MAP3K15: variants seen among roughly 807,000 people sequenced by gnomAD.
MAP3K15 encodes the protein mitogen-activated protein kinase kinase kinase 15.
Under a neutral mutation model 99.5 loss-of-function variants are expected in MAP3K15, and 124 were observed. The ratio of observed to expected loss-of-function variants is 1.25; its 90% CI spans 1.08 to 1.45. The LOEUF is 1.45. MAP3K15 is among the 40% of genes most tolerant of loss of function. MAP3K15 has a pLI of 0.00. For synonymous variants in MAP3K15, 494 were observed against 439.6 expected, an observed-to-expected ratio of 1.12 and a Z score of -1.55; for missense variants, 1,242 against 1,079.7, an observed-to-expected ratio of 1.15 and a Z score of -2.11.
chrX:19,469,925 A>G (rs1249346508), intron 3 of MAP3K15, among the ~76,000 whole-genome samples: 6 of 109,383 alleles, frequency 5.5e-5, no homozygotes, highest in Non-Finnish European at 1.1e-4. Flanking sequence ...GGATGTGGAG[A>G]AATAGGAACA....
At position 19,372,501 on chromosome X, in the gene MAP3K15, G is replaced by A. The variant is rs1020668624; in HGVS notation, c.3108+152C>T. The stretch of plus-strand genomic sequence containing the variant: ...TATTTTCTTTTGTTTTGTTGGGGAA[G>A]GGAAGGACGTTAGGGAAACATTTAC... On this transcript the variant is annotated intron_variant, in intron 22 of 28. Transcript: ENST00000338883. 8 of 437,045 alleles carry A rather than the reference G, an allele frequency of 1.8e-5. No homozygotes were observed. The African/African-American group carries it at 2.0e-4, about 11-fold the overall frequency. The allele number at this position is 437,045 out of a possible 1,213,427, so 36.0% of individuals were successfully genotyped here.
intron 6 of MAP3K15, among the ~76,000 whole-genome samples, chrX:19,441,439 T>C (rs896096657): frequency 6.5e-5 from 7 of 107,873 alleles, no homozygotes; most frequent in Non-Finnish European, 1.4e-4. Context: ...ACTCCGAATA[T>C]GCTAAAAAAA....
chrX:19,490,072 T>C (rs113365087), intron 1 of MAP3K15, among the ~76,000 whole-genome samples: 3,733 of 107,940 alleles, frequency 0.035, 149 homozygotes, highest in African/African-American at 0.11. Flanking sequence ...TTAGAAGCCA[T>C]GCCCAGGCAT....
chrX:19,436,266 G>C (rs921355448), intron 6 of MAP3K15, among the ~76,000 whole-genome samples: 1 of 111,172 alleles, frequency 9.0e-6, no homozygotes, highest in Non-Finnish European at 1.9e-5. Context: ...TTCTGCGTCA[G>C]TGGGTTGGCA....
chrX:19,513,615 TGC>T (rs1315722474), intron 1 of MAP3K15, among the ~76,000 whole-genome samples: 1 of 111,306 alleles, frequency 9.0e-6, no homozygotes, highest in Non-Finnish European at 1.9e-5. Flanking sequence ...AAAACAGATC[TGC>T]GCTGCCTCCA....
chrX:19,435,935 C>T (rs942601753), intron 6 of MAP3K15, among the ~76,000 whole-genome samples: 2 of 111,861 alleles, frequency 1.8e-5, no homozygotes, highest in Admixed American at 9.5e-5. Context: ...GGGCAGATTA[C>T]CTGAGGTCAG....
chrX:19,466,817 G>C (rs1254299210), intron 3 of MAP3K15: 1 of 111,645 alleles, frequency 9.0e-6, no homozygotes, highest in African/African-American at 3.3e-5. Context: ...GGAAGTGTAA[G>C]GAGCTTCCCA....
At chrX:19,385,767 A>G (rs901750882) in intron 18 of MAP3K15, among the ~76,000 whole-genome samples, 1 of 111,206 alleles carries the variant, frequency 9.0e-6, no homozygotes, top group African/African-American at 3.3e-5. Context: ...ACTACACACC[A>G]TGACATCACT....
At chrX:19,501,110 C>A (rs963461714) in intron 1 of MAP3K15, among the ~76,000 whole-genome samples, 13 of 111,425 alleles carry the variant, frequency 1.2e-4, no homozygotes, top group African/African-American at 4.2e-4. Context: ...CCAAATCCAA[C>A]AGAAGACAGC....
At chrX:19,486,844 C>A (rs2064329596) in intron 2 of MAP3K15, among the ~76,000 whole-genome samples, 1 of 111,176 alleles carries the variant, frequency 9.0e-6, no homozygotes, top group South Asian at 3.8e-4. Context: ...GTGCTGAGTG[C>A]CCTGCATCTT....
At chrX:19,418,768 A>T (rs967499642) in intron 9 of MAP3K15, among the ~76,000 whole-genome samples, 1 of 111,848 alleles carries the variant, frequency 8.9e-6, no homozygotes, top group African/African-American at 3.2e-5. Context: ...GAAGGAAAAA[A>T]TGTTAAGGGA....
At chrX:19,387,845 G>C (rs1024186609) in intron 18 of MAP3K15, among the ~76,000 whole-genome samples, 4 of 112,746 alleles carry the variant, frequency 3.5e-5, no homozygotes, top group Non-Finnish European at 7.5e-5. Flanking sequence ...GGTGATGTAA[G>C]GGGTAAATAA....
At chrX:19,506,557 G>A (rs1008208082) in intron 1 of MAP3K15, among the ~76,000 whole-genome samples, 1 of 111,468 alleles carries the variant, frequency 9.0e-6, no homozygotes, top group African/African-American at 3.3e-5. Context: ...GTCTTGCTCT[G>A]CCGCCCAGGC....
At chrX:19,462,467 G>T (rs758292312) in intron 4 of MAP3K15, among the ~76,000 whole-genome samples, 1 of 112,015 alleles carries the variant, frequency 8.9e-6, no homozygotes, top group Non-Finnish European at 1.9e-5. Context: ...GACTATAAAG[G>T]CACTGAAGCT....
chrX:19,487,265 C>T (rs1354140486), intron 2 of MAP3K15, among the ~76,000 whole-genome samples: 2 of 110,859 alleles, frequency 1.8e-5, no homozygotes, highest in Non-Finnish European at 3.8e-5. Flanking sequence ...ACTGACTACC[C>T]ATTTCCATTT....
At chrX:19,417,792 C>T (rs369320172) in intron 9 of MAP3K15, among the ~76,000 whole-genome samples, 1 of 112,091 alleles carries the variant, frequency 8.9e-6, no homozygotes, top group African/African-American at 3.2e-5. Flanking sequence ...AGGCACCCCC[C>T]AGTAGGGGCA....
chrX:19,371,336 A>G lies in MAP3K15; in HGVS notation c.3294+9T>C. On this transcript the variant is annotated intron_variant, in intron 23 of 28. Coordinates refer to ENST00000338883, the MANE Select transcript of MAP3K15 (RefSeq NM_001001671.4). ...TGGTGTGTTCCCTAGGGCCAGATGG[A>G]GCACTTACGGCATCCTGAAATCCGA... is the stretch of plus-strand genomic sequence containing the variant. 8.3e-7 allele frequency: 1 copy of G among 1,201,875 alleles called. No individual in the cohort carries two copies. The highest frequency in any genetic ancestry group is 1.1e-6 in the Non-Finnish European group (1 of 888,717).
At chrX:19,465,879 C>G (rs924819933) in intron 3 of MAP3K15, among the ~76,000 whole-genome samples, 1 of 103,690 alleles carries the variant, frequency 9.6e-6, no homozygotes, top group South Asian at 4.4e-4. Flanking sequence ...AGTGGGGTAG[C>G]AGGCTCCTAT....
Position 19,515,104 on chromosome X carries a change from C to A in MAP3K15, c.158G>T (p.Ser53Ile). ...CAGAGCCCGCCGCGGCCCGCCCCCA[C>A]TCTCGCCCTCGCCGCTGCCGCCTGC... ...GAAGGSGEGE[S>I]GGGPRRALRA... The change falls in exon 1 of 29, where the codon AGT becomes ATT. Residue 53 changes from serine to isoleucine, a missense_variant. Coordinates refer to ENST00000338883, the MANE Select transcript of MAP3K15 (RefSeq NM_001001671.4). 1 of 851,905 alleles carries A rather than the reference C, an allele frequency of 1.2e-6. No homozygotes were observed. Among genetic ancestry groups the A allele is most frequent in the Non-Finnish European group, 1.5e-6 (1 of 672,952 alleles). The allele number at this position is 851,905 out of a possible 1,213,427, so 70.2% of individuals were successfully genotyped here. A position where few individuals can be genotyped will look rare whatever the true frequency, so the allele number is the denominator to read the frequency against.
Sources: allele counts gnomAD v4.1 joint callset (sites outside exome capture counted in the v4.1 genomes callset), GRCh38; gene constraint gnomAD v4.1.1; transcripts MANE v1.5; gene names NCBI Gene and HGNC (gene_info 2026-07-23, HGNC 2026-07-21).